RANBP2: variants seen among roughly 807,000 people sequenced by gnomAD.
RANBP2 encodes the protein RAN binding protein 2, also known as E3 SUMO-protein ligase RanBP2.
Under a neutral mutation model 303.6 loss-of-function variants are expected in RANBP2, and 57 were observed. The observed-to-expected ratio is 0.19, with a 90% confidence interval of 0.15 to 0.23. The LOEUF (loss-of-function observed/expected upper bound fraction) is 0.23, where lower values mean the gene tolerates loss of function less well. Ranked by LOEUF, RANBP2 falls within the 10% of genes least tolerant of loss-of-function variation. RANBP2 has a pLI of 1.00. For synonymous variants in RANBP2, 1,167 were observed against 1,301.5 expected (o/e 0.90, Z 2.23); for missense variants, 3,138 against 3,780.8 (o/e 0.83, Z 4.46).
At chr2:109,726,099 T>TG in the RANBP2 span, among the ~76,000 whole-genome samples, 24 of 66,066 alleles carry the variant, frequency 3.6e-4, no homozygotes, top group Non-Finnish European at 6.4e-4. Context: ...GTGTGTGTGT[T>TG]TGTGTTTTCC....
chr2:109,518,152 T>A, the RANBP2 span, among the ~76,000 whole-genome samples: 1 of 152,224 alleles, frequency 6.6e-6, no homozygotes, highest in Non-Finnish European at 1.5e-5. Context: ...CAGGGTAAAA[T>A]ATAAATAAGT....
the RANBP2 span, among the ~76,000 whole-genome samples, chr2:109,657,577 G>T: frequency 1.3e-5 from 1 of 77,126 alleles, no homozygotes; most frequent in African/African-American, 3.7e-5. Context: ...TTAAGTTGGA[G>T]TGAAGTTTAA....
the RANBP2 span, chr2:109,546,326 A>G: frequency 2.6e-6 from 2 of 759,694 alleles, no homozygotes; most frequent in Non-Finnish European, 4.1e-6. Flanking sequence ...CGGACCCCAT[A>G]GCGCAACACA....
chr2:109,064,586 T>C, the RANBP2 span, among the ~76,000 whole-genome samples: 1 of 152,046 alleles, frequency 6.6e-6, no homozygotes, highest in African/African-American at 2.4e-5. Flanking sequence ...AAATGTGCTG[T>C]AATGGAAATG....
chr2:109,007,398 G>A, the RANBP2 span, among the ~76,000 whole-genome samples: 1 of 152,144 alleles, frequency 6.6e-6, no homozygotes, highest in Admixed American at 6.5e-5. Context: ...GCAATTTCTG[G>A]GAACACTCTT....
chr2:109,199,627 T>TCAACGCGAGTGCAGG, the RANBP2 span, among the ~76,000 whole-genome samples: 2 of 94 alleles, frequency 0.021, no homozygotes, highest in Admixed American at 0.071. Flanking sequence ...TGGAATGGAA[T>TCAACGCGAGTGCAGG]GGAATGGAAT....
the RANBP2 span, chr2:108,839,276 T>C: frequency 6.2e-7 from 1 of 1,612,292 alleles, no homozygotes; most frequent in East Asian, 2.2e-5. Flanking sequence ...TATTGGTCCC[T>C]AAGGCAGCTA....
chr2:108,782,336 C>T lies in RANBP2; in HGVS notation c.8969C>T (p.Thr2990Ile), dbSNP rs1391651666. The T allele has an allele frequency of 1.1e-5, 17 of 1,614,036 alleles. No homozygotes were observed. The South Asian group carries it at 1.2e-4, about 11-fold the overall frequency. ...KVCANHVITKTMELKPLNVSN... is the reference protein window; with the variant it reads ...KVCANHVITKIMELKPLNVSN... The stretch of plus-strand genomic sequence containing the variant: ...TGTGCAAACCACGTTATTACTAAAA[C>T]AATGGAATTAAAGCCCTTAAATGTT... Residue 2990 changes from threonine to isoleucine, a missense_variant, in exon 27 of 29, where the codon ACA (threonine) becomes ATA (isoleucine). Physicochemically the swap from Thr to Ile is moderately conservative, Grantham distance 89 (BLOSUM62 -1). Coordinates refer to ENST00000283195, the MANE Select transcript of RANBP2 (RefSeq NM_006267.5).
At chr2:109,053,572 C>G in the RANBP2 span, among the ~76,000 whole-genome samples, 1 of 152,206 alleles carries the variant, frequency 6.6e-6, no homozygotes, top group African/African-American at 2.4e-5. Context: ...CTTTCTCGAG[C>G]CTTGGGAGAC....
the RANBP2 span, among the ~76,000 whole-genome samples, chr2:109,050,261 CT>C: frequency 4.0e-3 from 590 of 147,222 alleles, 3 homozygotes; most frequent in African/African-American, 0.012. Flanking sequence ...TTTCTTTTTA[CT>C]TTTTTTTTTT....
chr2:109,179,013 G>T, the RANBP2 span, among the ~76,000 whole-genome samples: 1 of 148,956 alleles, frequency 6.7e-6, no homozygotes, highest in Non-Finnish European at 1.5e-5. Flanking sequence ...ATGTGTGTGT[G>T]TGTGTGTGTG....
chr2:109,539,901 G>A, the RANBP2 span, among the ~76,000 whole-genome samples: 1 of 152,190 alleles, frequency 6.6e-6, no homozygotes, highest in African/African-American at 2.4e-5. Context: ...TTGTATGGAT[G>A]AACCACAACT....
At chr2:109,005,058 C>G in the RANBP2 span, among the ~76,000 whole-genome samples, 4 of 152,186 alleles carry the variant, frequency 2.6e-5, no homozygotes, top group Non-Finnish European at 5.9e-5. Context: ...CTTTCTTTCC[C>G]AGGCCCCTGG....
the RANBP2 span, among the ~76,000 whole-genome samples, chr2:109,049,088 C>G: frequency 2.0e-5 from 3 of 152,146 alleles, no homozygotes; most frequent in Non-Finnish European, 4.4e-5. Flanking sequence ...GCAAGAATTT[C>G]AAACAATGAT....
the RANBP2 span, chr2:108,794,682 G>GAT: frequency 6.2e-7 from 1 of 1,613,618 alleles, no homozygotes; most frequent in Non-Finnish European, 8.5e-7. Context: ...AGATCAGTCA[G>GAT]ATATATGACG....
the RANBP2 span, among the ~76,000 whole-genome samples, chr2:109,207,693 T>C: frequency 5.9e-5 from 9 of 152,190 alleles, no homozygotes; most frequent in African/African-American, 1.9e-4. Context: ...TATTTTCACA[T>C]GGAAACAAAA....
chr2:108,722,822 C>T (rs1374701470), intron 1 of RANBP2, among the ~76,000 whole-genome samples: 1 of 149,584 alleles, frequency 6.7e-6, no homozygotes, highest in Non-Finnish European at 1.5e-5. Flanking sequence ...ACCCTGGAGG[C>T]AGAGGTTGTG....
At chr2:109,502,554 G>C in the RANBP2 span, 1 of 152,166 alleles carries the variant, frequency 6.6e-6, no homozygotes, top group Admixed American at 6.5e-5. Context: ...GCGCTGGCCA[G>C]TACTCTGGGG....
At chr2:109,298,721 C>A in the RANBP2 span, among the ~76,000 whole-genome samples, 3 of 152,132 alleles carry the variant, frequency 2.0e-5, no homozygotes, top group Non-Finnish European at 4.4e-5. Context: ...CTGACATACC[C>A]CATCAGCTCA....
Sources: gnomAD v4.1 joint callset for allele counts (sites outside exome capture counted in the v4.1 genomes callset) on GRCh38, gnomAD v4.1.1 for gene constraint, MANE v1.5 for transcripts, NCBI Gene and HGNC (gene_info 2026-07-23, HGNC 2026-07-21) for gene names.